TFCP2L1: variants seen among roughly 807,000 people sequenced by gnomAD.
TFCP2L1 encodes transcription factor CP2-like protein 1.
In TFCP2L1, 12 loss-of-function variants were observed where a neutral mutation model predicts 72.2. The ratio of observed to expected loss-of-function variants is 0.17; its 90% CI spans 0.11 to 0.27. The LOEUF (loss-of-function observed/expected upper bound fraction) is 0.27, where lower values mean the gene tolerates loss of function less well. TFCP2L1 is among the 10% of genes least tolerant of loss of function. TFCP2L1 has a pLI of 1.00. For missense variants in TFCP2L1, 488 were observed against 624.6 expected (o/e 0.78, Z 2.33); for synonymous variants, 260 against 251.0 (o/e 1.04, Z -0.34).
chr2:121,248,376 T>C (rs1686533429), intron 4 of TFCP2L1, 106 bp from the exon 5 acceptor site: 2 of 857,118 alleles, frequency 2.3e-6, no homozygotes, highest in Admixed American at 2.9e-5. Context: ...CAATTTGCAA[T>C]GCCAAAAGCT....
rs1685852346 is a variant in TFCP2L1, at chr2:121,217,251, A to G, written c.*7090T>C. 6.6e-6 allele frequency: 1 copy of G among 152,292 alleles called. No individual in the cohort carries two copies. The highest frequency in any genetic ancestry group is 1.5e-5 in the Non-Finnish European group (1 of 68,064). 9.4% of individuals were successfully genotyped at this position (152,292 alleles called of 1,614,324 possible). ...ATTGCTTTAGGGAGGATCGAGTGAG[A>G]AGCTGACCAAATGCGCAGAACACAA... On this transcript the variant is annotated 3_prime_UTR_variant, in exon 15 of 15. Coordinates refer to ENST00000263707, the MANE Select transcript of TFCP2L1 (RefSeq NM_014553.3).
chr2:121,263,628 G>A (rs1358696544), intron 2 of TFCP2L1, among the ~76,000 whole-genome samples: 8 of 152,204 alleles, frequency 5.3e-5, no homozygotes, highest in Admixed American at 4.6e-4. Context: ...AATGCCAAGT[G>A]TGGAGACAGG....
At chr2:121,259,452 G>C (rs984829598) in intron 2 of TFCP2L1, among the ~76,000 whole-genome samples, 4 of 152,150 alleles carry the variant, frequency 2.6e-5, no homozygotes, top group African/African-American at 4.8e-5. Context: ...AATGCACATA[G>C]GTGCATCTAT....
intron 6 of TFCP2L1, among the ~76,000 whole-genome samples, chr2:121,244,289 C>A (rs1372059638): frequency 2.0e-5 from 3 of 152,230 alleles, no homozygotes; most frequent in Non-Finnish European, 2.9e-5. Context: ...ACACCCCACA[C>A]ACAGTCCCAG....
chr2:121,243,642 A>C (rs186900629), intron 6 of TFCP2L1, among the ~76,000 whole-genome samples: 31 of 151,976 alleles, frequency 2.0e-4, no homozygotes, highest in Admixed American at 1.6e-3. Context: ...AGAGGGCAAA[A>C]CCTTTTGTGA....
At position 121,224,256 on chromosome 2, in the gene TFCP2L1, G is replaced by T; in HGVS notation, c.*85C>A. On this transcript the variant is annotated 3_prime_UTR_variant, in exon 15 of 15. Coordinates refer to ENST00000263707, the MANE Select transcript of TFCP2L1 (RefSeq NM_014553.3). ...TCCTGGCCTCAGCTTGCCTGGTGAGGCCACAGCTTACAGTGGGGCAATGTC... is the reference window on the plus strand; with the variant it reads ...TCCTGGCCTCAGCTTGCCTGGTGAGTCCACAGCTTACAGTGGGGCAATGTC... 1 of 1,536,352 alleles carries T rather than the reference G, an allele frequency of 6.5e-7. No homozygotes were observed. Among genetic ancestry groups the T allele is most frequent in the Non-Finnish European group, 8.9e-7 (1 of 1,118,076 alleles).
intron 6 of TFCP2L1, 59 bp from the exon 7 acceptor site, chr2:121,242,528 G>A (rs1686397885): frequency 7.2e-6 from 11 of 1,526,800 alleles, no homozygotes; most frequent in Admixed American, 1.7e-5. Flanking sequence ...CAGCCCCCAA[G>A]CCCTCTCCTG....
chr2:121,237,551 C>T, intron 10 of TFCP2L1, 72 bp downstream of exon 10: 3 of 1,539,924 alleles, frequency 1.9e-6, no homozygotes, highest in Non-Finnish European at 2.7e-6. Flanking sequence ...GACAGCAAGG[C>T]CTGGAAGGTG....
intron 2 of TFCP2L1, among the ~76,000 whole-genome samples, chr2:121,280,279 A>C (rs1037926655): frequency 6.6e-6 from 1 of 152,018 alleles, no homozygotes; most frequent in Admixed American, 6.5e-5. Context: ...TTCCCTCAGG[A>C]CATGGTGAGG....
chr2:121,272,166 G>A (rs1477657771), intron 2 of TFCP2L1, among the ~76,000 whole-genome samples: 2 of 152,118 alleles, frequency 1.3e-5, no homozygotes, highest in African/African-American at 4.8e-5. Flanking sequence ...TCACTCTCCT[G>A]GCTTTCAAAC....
chr2:121,271,748 C>T (rs1019507768), intron 2 of TFCP2L1, among the ~76,000 whole-genome samples: 1 of 152,172 alleles, frequency 6.6e-6, no homozygotes, highest in Non-Finnish European at 1.5e-5. Flanking sequence ...ACTCGGGCTC[C>T]AAAGAATCAA....
At chr2:121,276,975 A>G (rs1491001698) in intron 2 of TFCP2L1, among the ~76,000 whole-genome samples, 4 of 152,232 alleles carry the variant, frequency 2.6e-5, no homozygotes, top group Non-Finnish European at 5.9e-5. Context: ...TATACCTTAC[A>G]CCATAAATAT....
chr2:121,235,325 A>C lies in TFCP2L1; in HGVS notation c.1004-14T>G. Reference sequence around the variant, plus strand: ...GCAAGTCAGCACCTAGGCAGGAAAAAAACGGGGATGCCTGTTACATGGAAC... The same window carrying C: ...GCAAGTCAGCACCTAGGCAGGAAAACAACGGGGATGCCTGTTACATGGAAC... On this transcript the variant is annotated splice_polypyrimidine_tract_variant and intron_variant, in intron 10 of 14. Transcript: ENST00000263707. 6.2e-7 allele frequency: 1 copy of C among 1,613,908 alleles called. No homozygotes were observed. Among genetic ancestry groups the C allele is most frequent in the Non-Finnish European group, 8.5e-7 (1 of 1,179,888 alleles).
At chr2:121,224,916 C>A (rs982936959) in intron 14 of TFCP2L1, among the ~76,000 whole-genome samples, 2 of 149,782 alleles carry the variant, frequency 1.3e-5, no homozygotes, top group Non-Finnish European at 3.0e-5. Flanking sequence ...ACCCGGGAGG[C>A]GGAGCTTGCA....
At chr2:121,275,540 T>G (rs563972289) in intron 2 of TFCP2L1, among the ~76,000 whole-genome samples, 6 of 151,844 alleles carry the variant, frequency 4.0e-5, no homozygotes, top group Non-Finnish European at 8.8e-5. Flanking sequence ...ATCCATTTGT[T>G]TTTTTAAGAA....
At chr2:121,228,829 G>C (rs1014209793) in intron 13 of TFCP2L1, among the ~76,000 whole-genome samples, 6 of 139,894 alleles carry the variant, frequency 4.3e-5, no homozygotes, top group Non-Finnish European at 6.2e-5. Flanking sequence ...TAATATAAAC[G>C]TAATTCTTAA....
Position 121,225,800 on chromosome 2 carries a change from A to ACACCACTGC in TFCP2L1, c.1342-196_1342-188dup, listed in dbSNP as rs550851415. ...GCCCACACACACGGGAACACGGTAA[A>ACACCACTGC]CACCACTGCCACGGTGCCCACACAC... On this transcript the variant is annotated intron_variant, in intron 13 of 14. Transcript: ENST00000263707. Among the ~76,000 whole-genome samples, 845 of 149,808 alleles carry ACACCACTGC rather than the reference A, an allele frequency of 5.6e-3. 28 individuals carry two copies. Among genetic ancestry groups the ACACCACTGC allele is most frequent in the African/African-American group, 0.02 (798 of 39,486 alleles).
At chr2:121,240,680 AGG>A in intron 7 of TFCP2L1, 4 of 985,322 alleles carry the variant, frequency 4.1e-6, no homozygotes, top group Non-Finnish European at 4.8e-6. Flanking sequence ...AGGAGCAGAG[AGG>A]TTGAGGCTGT....
At chr2:121,236,936 C>G (rs1686261483) in intron 10 of TFCP2L1, among the ~76,000 whole-genome samples, 1 of 152,210 alleles carries the variant, frequency 6.6e-6, no homozygotes, top group South Asian at 2.1e-4. Flanking sequence ...TACAAGCTCC[C>G]AAGGACAGGG....
Sources: gnomAD v4.1 joint callset for allele counts (sites outside exome capture counted in the v4.1 genomes callset) on GRCh38, gnomAD v4.1.1 for gene constraint, MANE v1.5 for transcripts, NCBI Gene and HGNC (gene_info 2026-07-23, HGNC 2026-07-21) for gene names.